The following TNPO3 variants were observed in gnomAD, a reference collection of about 807,000 sequenced individuals.
TNPO3 encodes the protein transportin 3.
A neutral mutation model predicts 122.8 loss-of-function variants in TNPO3; 65 were observed. That is an observed-to-expected ratio of 0.53 (90% CI 0.43 to 0.65). The LOEUF is 0.65. Ranked by LOEUF, TNPO3 falls within the 30% of genes least tolerant of loss-of-function variation. The pLI, the probability that TNPO3 is intolerant of heterozygous loss-of-function variation, is 0.00. For synonymous variants in TNPO3, 372 were observed against 411.2 expected, an observed-to-expected ratio of 0.90 and a Z score of 1.15; for missense variants, 850 against 1,136.7, an observed-to-expected ratio of 0.75 and a Z score of 3.63.
At chr7:128,977,646 G>A (rs1482611815) in intron 16 of TNPO3, among the ~76,000 whole-genome samples, 4 of 149,978 alleles carry the variant, frequency 2.7e-5, no homozygotes, top group Non-Finnish European at 5.9e-5. Flanking sequence ...ACCCAGGCTG[G>A]AGTGCAGTGG....
At chr7:129,006,649 A>G (rs1197759332) in intron 4 of TNPO3, among the ~76,000 whole-genome samples, 2 of 152,232 alleles carry the variant, frequency 1.3e-5, no homozygotes. Context: ...GTGAAATCCC[A>G]TAATGTATTA....
rs561896022 is a variant in TNPO3 at position 128,975,107 on chromosome 7, T to G, written c.2179-145A>C. 22 of 656,682 alleles carry G rather than the reference T, an allele frequency of 3.4e-5. No individual in the cohort carries two copies. The African/African-American group carries it at 3.5e-4, about 10-fold the overall frequency. 40.7% of individuals were successfully genotyped at this position (656,682 alleles called of 1,614,324 possible). On this transcript the variant is annotated intron_variant, in intron 17 of 22. Transcript: ENST00000265388. ...AAAGAAAAAGATTGTAATGAGAATC[T>G]GATCAGGAAAAGAAACACATAAATC...
intron 4 of TNPO3, 46 bp from the exon 5 acceptor site, chr7:129,005,205 T>C (rs1449829675): frequency 1.2e-5 from 18 of 1,519,122 alleles, no homozygotes; most frequent in Non-Finnish European, 1.6e-5. Context: ...AATCTATATA[T>C]TTAAACCATT....
chr7:129,054,869 C>T lies in TNPO3; in HGVS notation c.-99G>A. ...GCTTCCTCACTGTCTGGGCCACGGC[C>T]GCTCCCTGACTGGCGCCATCTCCTC... On this transcript the variant is annotated 5_prime_UTR_variant, in exon 1 of 23. Coordinates refer to ENST00000265388, the MANE Select transcript of TNPO3 (RefSeq NM_012470.4). 1 of 1,522,962 alleles carries T rather than the reference C, an allele frequency of 6.6e-7. No individual in the cohort carries two copies. Among genetic ancestry groups the T allele is most frequent in the Non-Finnish European group, 9.0e-7 (1 of 1,115,880 alleles). The allele number at this position is 1,522,962 out of a possible 1,614,324, so 94.3% of individuals were successfully genotyped here.
At chr7:129,026,051 G>C (rs1805118883) in intron 1 of TNPO3, among the ~76,000 whole-genome samples, 2 of 151,298 alleles carry the variant, frequency 1.3e-5, no homozygotes, top group African/African-American at 4.9e-5. Flanking sequence ...GCTTGAACCT[G>C]GGAGGGGAAG....
chr7:129,037,796 C>T (rs1293086298), intron 1 of TNPO3, among the ~76,000 whole-genome samples: 1 of 152,118 alleles, frequency 6.6e-6, no homozygotes, highest in Non-Finnish European at 1.5e-5. Context: ...ACCTCTACCC[C>T]TAGGGGACAG....
intron 1 of TNPO3, among the ~76,000 whole-genome samples, chr7:129,019,945 G>A (rs943077192): frequency 3.3e-5 from 5 of 151,746 alleles, no homozygotes; most frequent in Non-Finnish European, 5.9e-5. Flanking sequence ...GCAGTGAGCC[G>A]AGATTACACC....
chr7:128,956,355 C>T (rs1384387031), intron 22 of TNPO3, among the ~76,000 whole-genome samples: 2 of 152,166 alleles, frequency 1.3e-5, no homozygotes, highest in Non-Finnish European at 2.9e-5. Context: ...AGGAGAGCTA[C>T]CTTTCTTCTC....
At chr7:129,026,473 G>A (rs920515526) in intron 1 of TNPO3, among the ~76,000 whole-genome samples, 9 of 148,752 alleles carry the variant, frequency 6.1e-5, no homozygotes, top group African/African-American at 1.3e-4. Flanking sequence ...CACAATCTCG[G>A]CTCACTGCAA....
intron 15 of TNPO3, among the ~76,000 whole-genome samples, chr7:128,979,659 C>T (rs773739956): frequency 7.2e-5 from 11 of 152,156 alleles, no homozygotes; most frequent in South Asian, 2.1e-4. Flanking sequence ...CTGAGGAAAA[C>T]GAAGTCACTA....
At chr7:128,960,749 T>TTTATTA (rs60734129) in intron 21 of TNPO3, among the ~76,000 whole-genome samples, 1,539 of 150,694 alleles carry the variant, frequency 0.01, 19 homozygotes, top group African/African-American at 0.034. Flanking sequence ...CAAGAGTTAA[T>TTTATTA]TTATTATTAT....
rs1372213025 is a variant in TNPO3 at position 128,967,403 on chromosome 7, A to G, written c.2599-11T>C. On this transcript the variant is annotated splice_polypyrimidine_tract_variant and intron_variant, in intron 20 of 22. Transcript: ENST00000265388. The stretch of plus-strand genomic sequence containing the variant: ...CCATCGACAAAAAGTCTGTATAGGA[A>G]AGAGGGGTAAGAGTTTTAAAAGGAA... The G allele has an allele frequency of 5.8e-6, 9 of 1,550,566 alleles. No homozygotes were observed. The highest frequency in any genetic ancestry group is 8.0e-6 in the Non-Finnish European group (9 of 1,122,352).
chr7:129,045,352 T>C (rs1476208802), intron 1 of TNPO3, among the ~76,000 whole-genome samples: 1 of 152,062 alleles, frequency 6.6e-6, no homozygotes, highest in Non-Finnish European at 1.5e-5. Context: ...TTAAAATGAC[T>C]GGGCACGGTA....
Position 128,958,137 on chromosome 7 carries a change from C to CTTTTTTTTTT in TNPO3, c.2712-832_2712-823dup, listed in dbSNP as rs55683535. Among the ~76,000 whole-genome samples, 71 of 96,208 alleles carry CTTTTTTTTTT rather than the reference C, an allele frequency of 7.4e-4. 2 individuals are homozygous for CTTTTTTTTTT. Among genetic ancestry groups the CTTTTTTTTTT allele is most frequent in the Admixed American group, 1.0e-3 (8 of 7,662 alleles). 63.1% of individuals were successfully genotyped at this position (96,208 alleles called of 152,430 possible). On this transcript the variant is annotated intron_variant, in intron 21 of 22. Coordinates refer to ENST00000265388, the MANE Select transcript of TNPO3 (RefSeq NM_012470.4). Reference sequence around the variant, plus strand: ...AAAGCAGTGGAGAAGGAAGCACTTCCTTTTTTTTTTTTTTTTTTTTTTTGA... The same window carrying CTTTTTTTTTT: ...AAAGCAGTGGAGAAGGAAGCACTTCCTTTTTTTTTTTTTTTTTTTTTTTTTTTTTTTTTGA...
At chr7:129,002,588 G>A (rs1461038607) in intron 5 of TNPO3, among the ~76,000 whole-genome samples, 1 of 152,146 alleles carries the variant, frequency 6.6e-6, no homozygotes, top group Admixed American at 6.5e-5. Flanking sequence ...TTGAATAGTA[G>A]GTTCAAAGAT....
At chr7:128,992,588 A>T (rs935393561) in intron 9 of TNPO3, among the ~76,000 whole-genome samples, 7 of 152,180 alleles carry the variant, frequency 4.6e-5, no homozygotes, top group South Asian at 4.1e-4. Context: ...TAATTTTTTT[A>T]AAAAAAGGTA....
intron 17 of TNPO3, among the ~76,000 whole-genome samples, chr7:128,975,172 A>G (rs891476323): frequency 6.6e-6 from 1 of 152,248 alleles, no homozygotes; most frequent in Non-Finnish European, 1.5e-5. Context: ...TATGAAGTCC[A>G]CATTTAAGAA....
upstream of TNPO3, chr7:129,055,665 C>CG: frequency 5.4e-6 from 1 of 184,950 alleles, no homozygotes. Context: ...TCCTGGTGCT[C>CG]TAACTCCAGA....
At chr7:128,958,395 G>A (rs978073035) in intron 21 of TNPO3, among the ~76,000 whole-genome samples, 7 of 151,944 alleles carry the variant, frequency 4.6e-5, no homozygotes, top group African/African-American at 7.3e-5. Context: ...CGCCCGCCTC[G>A]GCCTCACAAA....
Sources: gnomAD v4.1 joint callset for allele counts (sites outside exome capture counted in the v4.1 genomes callset) on GRCh38, gnomAD v4.1.1 for gene constraint, MANE v1.5 for transcripts, NCBI Gene and HGNC (gene_info 2026-07-23, HGNC 2026-07-21) for gene names.